Variants in NLRP2 observed in about 807,000 individuals in gnomAD.
The protein encoded by NLRP2 is NLR family pyrin domain containing 2.
NLRP2 carries 107 observed loss-of-function variants against 97.2 expected under a neutral mutation model. The observed-to-expected ratio is 1.10, with a 90% CI of 0.94 to 1.29. The LOEUF (loss-of-function observed/expected upper bound fraction) is 1.29. Among genes scored for constraint, NLRP2 ranks in the 50% most tolerant of loss-of-function variants. The pLI, the probability that NLRP2 is intolerant of heterozygous loss-of-function variation, is 0.00. For synonymous variants in NLRP2, 663 were observed against 551.5 expected (o/e 1.20, Z -2.83); for missense variants, 1,495 against 1,330.3 (o/e 1.12, Z -1.93).
rs962008032 is a variant in NLRP2 at position 54,971,077 on chromosome 19, T to C, written c.280+782T>C. ...ATGAGTGAGAATATGCGGTGTTTGG[T>C]TTTTTGTTCTTGTGATAGTTTACTG... On this transcript the variant is annotated intron_variant, in intron 2 of 12. Coordinates refer to ENST00000448584, the MANE Select transcript of NLRP2 (RefSeq NM_017852.5). Among the ~76,000 whole-genome samples, 278 of 146,180 alleles carry C rather than the reference T, an allele frequency of 1.9e-3. 2 individuals carry two copies. The highest frequency in any genetic ancestry group is 6.9e-3 in the African/African-American group (272 of 39,676).
rs199475708 is a variant in NLRP2 at position 54,970,515 on chromosome 19, C to T, written c.280+220C>T. ...ACTAAAAATACAAAAATTTGCTGGA[C>T]GTGGTGGCAGACACCTGTAATCCCA... On this transcript the variant is annotated intron_variant, in intron 2 of 12. Transcript: ENST00000448584. Among the ~76,000 whole-genome samples the T allele has an allele frequency of 8.6e-5, 13 of 151,998 alleles. No homozygotes were observed. The highest frequency in any genetic ancestry group is 2.2e-4 in the African/African-American group (9 of 41,488).
intron 2 of NLRP2, among the ~76,000 whole-genome samples, chr19:54,973,344 G>GTTTTTTTTT (rs10673643): frequency 5.4e-5 from 5 of 92,520 alleles, no homozygotes; most frequent in African/African-American, 1.3e-4. Flanking sequence ...ATGGGTGAGG[G>GTTTTTTTTT]TTTTTTTTTT....
chr19:54,970,637 C>T (rs1389243496), intron 2 of NLRP2, among the ~76,000 whole-genome samples: 2 of 151,128 alleles, frequency 1.3e-5, no homozygotes, highest in Non-Finnish European at 1.5e-5. Flanking sequence ...GCCTGGGCAA[C>T]AAGAGCAAAA....
chr19:54,973,146 G>A (rs1312301370), intron 2 of NLRP2, among the ~76,000 whole-genome samples: 1 of 151,338 alleles, frequency 6.6e-6, no homozygotes. Flanking sequence ...AGCCAAGATC[G>A]TGCCACTGCG....
intron 2 of NLRP2, among the ~76,000 whole-genome samples, chr19:54,970,982 C>G (rs1288073903): frequency 3.1e-5 from 3 of 96,836 alleles, no homozygotes; most frequent in Non-Finnish European, 6.0e-5. Flanking sequence ...TCCCCCCACC[C>G]CACCACAGTC....
chr19:54,993,938 A>G (rs564227653), intron 10 of NLRP2: 15 of 424,240 alleles, frequency 3.5e-5, no homozygotes, highest in African/African-American at 2.8e-4. Flanking sequence ...TGGCTCCCTT[A>G]TCACGTCACC....
chr19:54,983,187 G>A lies in NLRP2; in HGVS notation c.1489G>A (p.Gly497Ser). ...CCTCCGCCAGGACAGAGTCTCCAAA[G>A]GCTGCTACTCCTTCATCCACCTCAG... The part of the protein sequence containing the change: ...DILRQDRVSK[G>S]CYSFIHLSFQ... The change falls in exon 6 of 13, where the codon GGC (glycine) becomes AGC (serine). Residue 497 changes from glycine (G) to serine (S), a missense_variant. By Grantham distance (56) the Gly-to-Ser change is moderately conservative. Coordinates refer to ENST00000448584, the MANE Select transcript of NLRP2 (RefSeq NM_017852.5). The A allele has an allele frequency of 6.2e-7, 1 of 1,613,922 alleles. No individual in the cohort carries two copies. The highest frequency in any genetic ancestry group is 1.1e-5 in the South Asian group (1 of 91,076).
At position 54,990,197 on chromosome 19, in the gene NLRP2, G is replaced by T; in HGVS notation, c.2537+5G>T. On this transcript the variant is annotated splice_donor_5th_base_variant and intron_variant, in intron 9 of 12. Transcript: ENST00000448584. ...GTGCTTTCTGCAGAGGTTGTCGTAA[G>T]TCTCTCCTCTCTTACAGAGCAGCTG... 6.2e-7 allele frequency: 1 copy of T among 1,614,024 alleles called. No individual in the cohort carries two copies. The highest frequency in any genetic ancestry group is 8.5e-7 in the Non-Finnish European group (1 of 1,179,934).
rs754673670 is a variant in NLRP2, at chr19:54,983,329, G to A, written c.1631G>A (p.Arg544Lys). The A allele has an allele frequency of 8.7e-6, 14 of 1,614,228 alleles. No individual in the cohort carries two copies. The East Asian group carries it at 3.1e-4, about 36-fold the overall frequency. The stretch of plus-strand genomic sequence containing the variant: ...CAGAAGCTGCTTTCCGGAGTAGAAA[G>A]ACTCAGGAACCCCGACCTGATCCAA... ...DVQKLLSGVE[R>K]LRNPDLIQAG... is the part of the protein sequence containing the mutation. Residue 544 changes from arginine (R) to lysine (K), a missense_variant, in exon 6 of 13, where the codon AGA becomes AAA. Arg to Lys is a conservative substitution (Grantham distance 26, BLOSUM62 2). Coordinates refer to ENST00000448584, the MANE Select transcript of NLRP2 (RefSeq NM_017852.5).
chr19:55,000,640 A>G, intron 12 of NLRP2, 120 bp from the exon 13 acceptor site: 1 of 1,010,204 alleles, frequency 9.9e-7, no homozygotes, highest in Non-Finnish European at 1.5e-6. Flanking sequence ...TGCCACCTAG[A>G]ATAATCAGGA....
chr19:54,969,655 A>C (rs536004509), intron 1 of NLRP2, among the ~76,000 whole-genome samples: 1 of 152,108 alleles, frequency 6.6e-6, no homozygotes, highest in Non-Finnish European at 1.5e-5. Flanking sequence ...ACTATCTCAA[A>C]AATAAGTAAA....
rs989447661 is a variant in NLRP2 at position 54,983,693 on chromosome 19, T to C, written c.1995T>C (p.Asn665=). The C allele has an allele frequency of 3.1e-6, 5 of 1,613,380 alleles. No homozygotes were observed. The highest frequency in any genetic ancestry group is 2.2e-5 in the South Asian group (2 of 91,038). The change falls in exon 6 of 13, where the codon AAT becomes AAC. Residue 665 remains asparagine, a synonymous_variant. Coordinates refer to ENST00000448584, the MANE Select transcript of NLRP2 (RefSeq NM_017852.5). ...TAATAAAGGAGAATCTCCCGGAGAATGTCACTGCGTCTGAATCAGACGCCG... is the reference window on the plus strand; with the variant it reads ...TAATAAAGGAGAATCTCCCGGAGAACGTCACTGCGTCTGAATCAGACGCCG... ...LQVIKENLPE[N]VTASESDAEV... is the part of the protein sequence containing the mutation.
intron 2 of NLRP2, among the ~76,000 whole-genome samples, chr19:54,972,658 T>C (rs1011024602): frequency 5.3e-5 from 8 of 151,988 alleles, no homozygotes; most frequent in South Asian, 2.1e-4. Context: ...GGTTTCACCA[T>C]GTTGCCCAGG....
intron 4 of NLRP2, among the ~76,000 whole-genome samples, chr19:54,981,386 C>T (rs186989275): frequency 3.0e-4 from 46 of 151,992 alleles, no homozygotes; most frequent in South Asian, 2.1e-3. Context: ...AGGCTGGTCT[C>T]GAACTCCTGA....
intron 2 of NLRP2, chr19:54,974,150 C>CTT: frequency 1.6e-6 from 1 of 625,358 alleles, no homozygotes; most frequent in Non-Finnish European, 2.9e-6. Flanking sequence ...GGTCAGGAGT[C>CTT]TGAGACCAGC....
intron 12 of NLRP2, among the ~76,000 whole-genome samples, chr19:55,000,498 T>C (rs1355426213): frequency 2.0e-5 from 3 of 150,980 alleles, no homozygotes; most frequent in Non-Finnish European, 2.9e-5. Context: ...CAGGATGGTC[T>C]TGATCTGCTG....
At chr19:54,979,509 T>G (rs953668240) in intron 4 of NLRP2, among the ~76,000 whole-genome samples, 8 of 151,528 alleles carry the variant, frequency 5.3e-5, no homozygotes, top group Non-Finnish European at 8.8e-5. Context: ...CTGGCTAATT[T>G]TTGCATTTGT....
At chr19:54,967,221 G>C (rs546050181) in intron 1 of NLRP2, among the ~76,000 whole-genome samples, 1 of 152,010 alleles carries the variant, frequency 6.6e-6, no homozygotes, top group Admixed American at 6.6e-5. Context: ...AGTGGCTCAC[G>C]CCTGTAATCG....
At chr19:54,971,254 C>G (rs2070835642) in intron 2 of NLRP2, among the ~76,000 whole-genome samples, 1 of 149,998 alleles carries the variant, frequency 6.7e-6, no homozygotes. Flanking sequence ...CAAGTCTTTG[C>G]TATTGTGAAT....
Sources: allele counts gnomAD v4.1 joint callset (sites outside exome capture counted in the v4.1 genomes callset), GRCh38; gene constraint gnomAD v4.1.1; transcripts MANE v1.5; gene names NCBI Gene and HGNC (gene_info 2026-07-23, HGNC 2026-07-21).